ANK3: variants seen among roughly 807,000 people sequenced by gnomAD.
The protein encoded by ANK3 is ankyrin-3.
In ANK3, 57 loss-of-function variants were observed where a neutral mutation model predicts 370.9. The observed-to-expected ratio is 0.15, with a 90% CI of 0.12 to 0.19. ANK3 has a LOEUF of 0.19. Among genes scored for constraint, ANK3 ranks in the 10% least tolerant of loss-of-function variants. The pLI, the probability that ANK3 is intolerant of heterozygous loss-of-function variation, is 1.00. For synonymous variants in ANK3, 1,929 were observed against 1,946.3 expected (o/e 0.99, Z 0.23); for missense variants, 4,439 against 5,302.1 (o/e 0.84, Z 5.06).
At chr10:60,086,406 C>T in intron 30 of ANK3, 1 of 297,780 alleles carries the variant, frequency 3.4e-6, no homozygotes, top group Non-Finnish European at 6.1e-6. Flanking sequence ...TTCAATGATA[C>T]TTCTACTAAT....
intron 1 of ANK3, among the ~76,000 whole-genome samples, chr10:60,726,433 C>T (rs2079941868): frequency 6.6e-6 from 1 of 152,150 alleles, no homozygotes; most frequent in Non-Finnish European, 1.5e-5. Flanking sequence ...ACAGTAAACA[C>T]TACCATTTAT....
At chr10:60,508,441 G>A (rs899718857) in intron 2 of ANK3, 5 of 152,638 alleles carry the variant, frequency 3.3e-5, no homozygotes, top group African/African-American at 4.8e-5. Flanking sequence ...TTGATATCAC[G>A]AGCTATGTTT....
intron 2 of ANK3, among the ~76,000 whole-genome samples, chr10:60,596,920 T>C (rs749788372): frequency 6.6e-6 from 1 of 152,004 alleles, no homozygotes; most frequent in Non-Finnish European, 1.5e-5. Context: ...CAAAATTAAA[T>C]CAGATTTATA....
intron 23 of ANK3, among the ~76,000 whole-genome samples, chr10:60,158,063 A>C (rs949236369): frequency 6.6e-6 from 1 of 152,152 alleles, no homozygotes; most frequent in Non-Finnish European, 1.5e-5. Context: ...TTCAACCCAA[A>C]TAAGACTACC....
chr10:60,339,743 T>G (rs1394525578), intron 1 of ANK3, among the ~76,000 whole-genome samples: 1 of 152,166 alleles, frequency 6.6e-6, no homozygotes, highest in East Asian at 1.9e-4. Context: ...AGGCTTTTGG[T>G]GAACAGAAAA....
intron 2 of ANK3, among the ~76,000 whole-genome samples, chr10:60,480,665 G>A (rs1258290671): frequency 2.0e-5 from 3 of 152,118 alleles, no homozygotes; most frequent in Non-Finnish European, 2.9e-5. Context: ...AAATAAGGCA[G>A]GGGGAAAGGT....
In ANK3 at chr10:60,375,733, G is replaced by A. The variant is rs114682173; in HGVS notation, c.114+13692C>T. 9.5e-4 allele frequency among the ~76,000 whole-genome samples: 145 copies of A among 152,184 alleles called. 1 individual carries two copies. The highest frequency in any genetic ancestry group is 3.3e-3 in the African/African-American group (136 of 41,518). ...GGCTCTGGTTTTAACTGTCCTTTCTGGAATACATATTCCCTACTTCCCCCA... is the reference window on the plus strand; with the variant it reads ...GGCTCTGGTTTTAACTGTCCTTTCTAGAATACATATTCCCTACTTCCCCCA... On this transcript the variant is annotated intron_variant, in intron 1 of 43. Coordinates refer to ENST00000280772, the MANE Select transcript of ANK3 (RefSeq NM_020987.5).
intron 2 of ANK3, among the ~76,000 whole-genome samples, chr10:60,542,028 G>T (rs1407629944): frequency 6.6e-6 from 1 of 151,830 alleles, no homozygotes; most frequent in Admixed American, 6.6e-5. Flanking sequence ...AAACTAATTT[G>T]TAGTTTGAGA....
chr10:60,140,846 CATGTAGGGAGAG>C, intron 23 of ANK3: 1 of 991,520 alleles, frequency 1.0e-6, no homozygotes. Flanking sequence ...AGACAGCCTT[CATGTAGGGAGAG>C]AGCGAAGTGC....
chr10:60,516,913 C>T (rs565965650), intron 2 of ANK3, among the ~76,000 whole-genome samples: 1 of 152,160 alleles, frequency 6.6e-6, no homozygotes, highest in South Asian at 2.1e-4. Flanking sequence ...TGAAAAATAG[C>T]CTCCTTGATC....
chr10:60,525,006 T>A (rs1056856345), intron 2 of ANK3, among the ~76,000 whole-genome samples: 5 of 152,170 alleles, frequency 3.3e-5, no homozygotes, highest in Non-Finnish European at 5.9e-5. Flanking sequence ...ATATTTGATA[T>A]CAAAACAAAT....
rs571006390 is a variant in ANK3, at chr10:60,086,702, A to G, written c.3723T>C (p.Asn1241=). ...CTGTAATGCTACAGAGAAGACGCAG[A>G]TTGGGTGTAGTGTCCCCTTTGTATC... ...SNGYKGDTTP[N]LRLLCSITGG... The change falls in exon 30 of 44, where the codon AAT becomes AAC. Residue 1241 remains asparagine (N), a synonymous_variant. Coordinates refer to ENST00000280772, the MANE Select transcript of ANK3 (RefSeq NM_020987.5). The G allele has an allele frequency of 2.5e-6, 4 of 1,613,922 alleles. No homozygotes were observed. In the East Asian group the frequency reaches 6.7e-5, roughly 27 times the overall value.
intron 1 of ANK3, among the ~76,000 whole-genome samples, chr10:60,331,528 A>G (rs1057322574): frequency 3.3e-5 from 5 of 151,806 alleles, no homozygotes; most frequent in East Asian, 1.9e-4. Context: ...TAAGATCTCA[A>G]TAATTTGGAG....
At chr10:60,384,690 T>C (rs193001752) in intron 1 of ANK3, among the ~76,000 whole-genome samples, 60 of 152,338 alleles carry the variant, frequency 3.9e-4, no homozygotes, top group African/African-American at 1.3e-3. Context: ...TTAGGAAGAC[T>C]AAATTAGTCT....
intron 1 of ANK3, among the ~76,000 whole-genome samples, chr10:60,719,461 A>T (rs2079833442): frequency 6.6e-6 from 1 of 152,164 alleles, no homozygotes; most frequent in Admixed American, 6.5e-5. Flanking sequence ...GTACCAATTG[A>T]TGCTCAAATC....
intron 1 of ANK3, among the ~76,000 whole-genome samples, chr10:60,304,252 C>A: frequency 3.6e-5 from 1 of 27,748 alleles, no homozygotes; most frequent in Non-Finnish European, 1.1e-4. Context: ...CTTAATTGTT[C>A]ATAACACACA....
chr10:60,250,543 T>A (rs997812724), intron 7 of ANK3, among the ~76,000 whole-genome samples: 4 of 152,068 alleles, frequency 2.6e-5, no homozygotes, highest in South Asian at 4.2e-4. Context: ...TTTTTTGTAT[T>A]TTTAGTAGAG....
chr10:60,048,601 G>C (rs2077328931), intron 42 of ANK3, among the ~76,000 whole-genome samples: 2 of 152,106 alleles, frequency 1.3e-5, no homozygotes, highest in South Asian at 4.1e-4. Context: ...ATCACCTCTA[G>C]ATAACTTATA....
At chr10:60,263,654 C>G (rs968128169) in intron 6 of ANK3, among the ~76,000 whole-genome samples, 181 bp downstream of exon 6, 1 of 152,190 alleles carries the variant, frequency 6.6e-6, no homozygotes, top group South Asian at 2.1e-4. Flanking sequence ...CCCTCACCCC[C>G]CAACTTCTCA....
Sources: allele counts gnomAD v4.1 joint callset (sites outside exome capture counted in the v4.1 genomes callset), GRCh38; gene constraint gnomAD v4.1.1; transcripts MANE v1.5; gene names NCBI Gene and HGNC (gene_info 2026-07-23, HGNC 2026-07-21).